Variants in MROH1 observed in about 807,000 individuals in gnomAD.
MROH1 encodes maestro heat-like repeat-containing protein family member 1.
MROH1 carries 117 observed loss-of-function variants against 116.5 expected under a neutral mutation model. The observed-to-expected ratio is 1.00, with a 90% confidence interval of 0.86 to 1.17. The LOEUF (loss-of-function observed/expected upper bound fraction) is 1.17. Among genes scored for constraint, MROH1 ranks in the 50% most tolerant of loss-of-function variants. The probability of loss-of-function intolerance (pLI) is 0.00; values close to 1 mark genes in which losing one functional copy is unlikely to be tolerated. For missense variants in MROH1, 1,873 were observed against 1,338.5 expected, an observed-to-expected ratio of 1.40 and a Z score of -6.23; for synonymous variants, 921 against 583.9, an observed-to-expected ratio of 1.58 and a Z score of -8.32.
intron 4 of MROH1, among the ~76,000 whole-genome samples, chr8:144,177,326 G>A (rs567415475): frequency 2.0e-5 from 3 of 152,340 alleles, no homozygotes; most frequent in East Asian, 3.9e-4. Context: ...GCGCTGCCCC[G>A]TCACTGGCAC....
chr8:144,240,478 C>T, intron 19 of MROH1, 92 bp from the exon 20 acceptor site: 1 of 705,138 alleles, frequency 1.4e-6, no homozygotes, highest in Non-Finnish European at 2.6e-6. Flanking sequence ...TCTGCAGCCC[C>T]TGCAGCCACA....
At chr8:144,248,074 A>G (rs1438038802) in intron 31 of MROH1, among the ~76,000 whole-genome samples, 1 of 152,214 alleles carries the variant, frequency 6.6e-6, no homozygotes, top group Non-Finnish European at 1.5e-5. Flanking sequence ...AGGCTACCCA[A>G]GAGCCACGTG....
At chr8:144,221,146 C>A (rs1285601068) in intron 13 of MROH1, among the ~76,000 whole-genome samples, 2 of 152,184 alleles carry the variant, frequency 1.3e-5, no homozygotes, top group Non-Finnish European at 2.9e-5. Flanking sequence ...GGTCACAGAG[C>A]ATCACAACCA....
At chr8:144,171,965 T>C (rs555143133) in intron 4 of MROH1, among the ~76,000 whole-genome samples, 2 of 152,222 alleles carry the variant, frequency 1.3e-5, no homozygotes, top group African/African-American at 4.8e-5. Context: ...CCTTTTGGAG[T>C]TTGGACAACC....
chr8:144,252,664 G>C (rs1469991974), intron 33 of MROH1: 1 of 142,962 alleles, frequency 7.0e-6, no homozygotes, highest in African/African-American at 2.6e-5. Context: ...CAAGAACTCT[G>C]TCTCAAAAAA....
chr8:144,160,086 G>T (rs189246830), intron 1 of MROH1, among the ~76,000 whole-genome samples: 237 of 152,308 alleles, frequency 1.6e-3, no homozygotes, highest in Middle Eastern at 3.4e-3. Context: ...GGTAATTTTT[G>T]ATTGGATGCC....
chr8:144,168,536 G>T, intron 4 of MROH1, 96 bp downstream of exon 4: 2 of 1,459,936 alleles, frequency 1.4e-6, no homozygotes, highest in Non-Finnish European at 1.8e-6. Context: ...GGAGCAGTGG[G>T]TCGGGTGTTA....
chr8:144,260,943 C>A lies in MROH1; in HGVS notation c.4573C>A (p.Leu1525Met), dbSNP rs1844925466. The change falls in exon 41 of 44, where the codon CTG (leucine) becomes ATG (methionine). Residue 1525 changes from leucine (L) to methionine (M), a missense_variant. Transcript: ENST00000326134. ...TGCCCTGCGCATGTGTGGCCCCAAT[C>A]TGGCATGTGAGGAGCTCTCAGCTGC... ...RFALRMCGPN[L>M]ACEELSAAFQ... is the part of the protein sequence containing the mutation. 1 of 777,784 alleles carries A rather than the reference C, an allele frequency of 1.3e-6. No individual in the cohort carries two copies. Among genetic ancestry groups the A allele is most frequent in the African/African-American group, 1.7e-5 (1 of 59,210 alleles). 48.2% of individuals were successfully genotyped at this position (777,784 alleles called of 1,614,324 possible).
Position 144,180,599 on chromosome 8 carries a change from G to C in MROH1, c.562+76G>C, listed in dbSNP as rs771574511. On this transcript the variant is annotated intron_variant, in intron 7 of 43. Transcript: ENST00000326134. This position sits in a 1 kb window ranked among gnomAD's most constrained non-coding sequence, Gnocchi z 7.4. ...CTGTTCCCGGGCATGCCTGTTTTAG[G>C]GGGGACAGGTGGGCACTTTAGGCTG... 32 of 1,430,008 alleles carry C rather than the reference G, an allele frequency of 2.2e-5. No individual in the cohort carries two copies. The highest frequency in any genetic ancestry group is 3.0e-5 in the Non-Finnish European group (31 of 1,042,450). The allele number at this position is 1,430,008 out of a possible 1,614,324, so 88.6% of individuals were successfully genotyped here.
At chr8:144,196,841 A>T (rs376638742) in intron 10 of MROH1, among the ~76,000 whole-genome samples, 6 of 122,558 alleles carry the variant, frequency 4.9e-5, no homozygotes, top group African/African-American at 1.9e-4. Flanking sequence ...TCATGCCTGT[A>T]ATCCCAGCAC....
chr8:144,158,920 G>A (rs895783687), intron 1 of MROH1, among the ~76,000 whole-genome samples: 4 of 152,056 alleles, frequency 2.6e-5, no homozygotes, highest in African/African-American at 9.7e-5. Context: ...TGTATTTTTT[G>A]TAGAGACAGG....
In MROH1 at chr8:144,242,616, G is replaced by A; in HGVS notation, c.2340G>A (p.Lys780=). The A allele has an allele frequency of 1.3e-6, 1 of 780,192 alleles. No individual in the cohort carries two copies. The highest frequency in any genetic ancestry group is 1.7e-5 in the Admixed American group (1 of 58,922). The allele number at this position is 780,192 out of a possible 1,614,324, so 48.3% of individuals were successfully genotyped here. ...TTGTTGTTCAGGTTCTAGGAATAAA[G>A]GTAGAAACCAAGGTACAGTGTGTAG... The part of the protein sequence containing the change: ...QHFSTKVLGI[K]VETKDPALKL... The change falls in exon 24 of 44, where the codon AAG becomes AAA. Residue 780 remains lysine (K), a synonymous_variant. Transcript: ENST00000326134.
intron 37 of MROH1, among the ~76,000 whole-genome samples, chr8:144,259,598 G>A (rs1844594722): frequency 6.6e-6 from 1 of 152,242 alleles, no homozygotes. Context: ...CCCAAGTCCA[G>A]CTGGGTACAT....
chr8:144,217,639 T>C (rs1835559874), intron 12 of MROH1, among the ~76,000 whole-genome samples: 1 of 152,240 alleles, frequency 6.6e-6, no homozygotes, highest in Non-Finnish European at 1.5e-5. Flanking sequence ...GGTCTCACTC[T>C]GTCACCCAGG....
chr8:144,225,910 G>GTTTTT (rs764956904), intron 14 of MROH1, among the ~76,000 whole-genome samples: 2 of 87,552 alleles, frequency 2.3e-5, no homozygotes, highest in African/African-American at 4.4e-5. Context: ...TTCATTTTTA[G>GTTTTT]TTTTTTTTTT....
At chr8:144,224,766 G>A (rs1196106545) in intron 14 of MROH1, among the ~76,000 whole-genome samples, 1 of 152,218 alleles carries the variant, frequency 6.6e-6, no homozygotes, top group Non-Finnish European at 1.5e-5. Context: ...CAGACACACT[G>A]TAGAGGGGGT....
At chr8:144,190,987 C>T in intron 8 of MROH1, 52 bp downstream of exon 8, 1 of 1,554,972 alleles carries the variant, frequency 6.4e-7, no homozygotes, top group Non-Finnish European at 8.7e-7. Flanking sequence ...CTCTCTCCTC[C>T]CCACATTCCC....
intron 4 of MROH1, chr8:144,175,506 G>T (rs1823635250): frequency 2.0e-6 from 2 of 985,340 alleles, no homozygotes; most frequent in Non-Finnish European, 2.4e-6. Flanking sequence ...CACTATACCG[G>T]CCGTGCTGCC....
In MROH1 at chr8:144,168,535, G is replaced by A. The variant is rs929305182; in HGVS notation, c.168+95G>A. 30 of 1,462,220 alleles carry A rather than the reference G, an allele frequency of 2.1e-5. No individual in the cohort carries two copies. The Admixed American group carries it at 2.8e-4, about 13-fold the overall frequency. 90.6% of individuals were successfully genotyped at this position (1,462,220 alleles called of 1,614,324 possible). A position where few individuals can be genotyped will look rare whatever the true frequency, so the allele number is the denominator to read the frequency against. ...AGAGACAGTCCAGCCAGGAGCAGTGGGTCGGGTGTTACGCAGGGGTGGCCA... is the reference window on the plus strand; with the variant it reads ...AGAGACAGTCCAGCCAGGAGCAGTGAGTCGGGTGTTACGCAGGGGTGGCCA... On this transcript the variant is annotated intron_variant, in intron 4 of 43. Transcript: ENST00000326134.
Sources: gnomAD v4.1 joint callset for allele counts (sites outside exome capture counted in the v4.1 genomes callset) on GRCh38, gnomAD v4.1.1 for gene constraint, Gnocchi (gnomAD v3.1) non-coding constraint, MANE v1.5 for transcripts, NCBI Gene and HGNC (gene_info 2026-07-23, HGNC 2026-07-21) for gene names.